The following DCLRE1C variants were observed in gnomAD, a reference collection of about 807,000 sequenced individuals.
DCLRE1C encodes the protein protein artemis.
A neutral mutation model predicts 61.4 loss-of-function variants in DCLRE1C; 47 were observed. The observed-to-expected ratio is 0.77, with a 90% CI of 0.61 to 0.98. The LOEUF (loss-of-function observed/expected upper bound fraction) is 0.98. Ranked by LOEUF, DCLRE1C falls within the 50% of genes least tolerant of loss-of-function variation. The pLI is 0.00. For synonymous variants in DCLRE1C, 337 were observed against 287.6 expected (o/e 1.17, Z -1.74); for missense variants, 858 against 816.0 (o/e 1.05, Z -0.63).
chr10:14,922,368 G>A (rs1054241367), intron 12 of DCLRE1C, among the ~76,000 whole-genome samples: 1 of 151,888 alleles, frequency 6.6e-6, no homozygotes, highest in Non-Finnish European at 1.5e-5. Flanking sequence ...TTGAACCCAG[G>A]AGGTGGAGGT....
chr10:14,926,137 G>A (rs1837936082), intron 11 of DCLRE1C, among the ~76,000 whole-genome samples: 1 of 152,116 alleles, frequency 6.6e-6, no homozygotes, highest in African/African-American at 2.4e-5. Context: ...CCCATCTCGG[G>A]CATGTCCTTA....
chr10:14,922,054 C>T (rs934434221), intron 12 of DCLRE1C, among the ~76,000 whole-genome samples: 6 of 152,244 alleles, frequency 3.9e-5, no homozygotes, highest in Non-Finnish European at 7.3e-5. Flanking sequence ...TTGCACCCGG[C>T]CTCTCCGTGA....
Position 14,919,747 on chromosome 10 carries a change from G to A in DCLRE1C, c.1147C>T (p.Arg383Ter), listed in dbSNP as rs752241422. 5.6e-6 allele frequency: 9 copies of A among 1,613,194 alleles called. No homozygotes were observed. Among genetic ancestry groups the A allele is most frequent in the East Asian group, 4.5e-5 (2 of 44,872 alleles). The part of the protein sequence containing the change: ...GKLKRARTVH[R>*]DSEEEDDYLF... ...GGACCATTTTTCTTACCTGAGTCTCGGTGAACTGTTCTAGCTCTCTTCAGT... is the reference window on the plus strand; with the variant it reads ...GGACCATTTTTCTTACCTGAGTCTCAGTGAACTGTTCTAGCTCTCTTCAGT... The change falls in exon 13 of 14, where the codon CGA becomes TGA. Residue 383 changes from arginine (R) to a stop codon, truncating the protein, a stop_gained. Coordinates refer to ENST00000378278, the MANE Select transcript of DCLRE1C (RefSeq NM_001033855.3). LOFTEE classifies it low-confidence loss of function (END_TRUNC).
intron 9 of DCLRE1C, among the ~76,000 whole-genome samples, chr10:14,930,278 CTTTT>C (rs60565089): frequency 1.2e-5 from 1 of 85,726 alleles, no homozygotes; most frequent in East Asian, 4.1e-4. Flanking sequence ...CACTCAGCAC[CTTTT>C]TTTTTTTTTT....
intron 13 of DCLRE1C, among the ~76,000 whole-genome samples, chr10:14,912,716 G>A (rs1835467583): frequency 6.6e-6 from 1 of 152,192 alleles, no homozygotes; most frequent in African/African-American, 2.4e-5. Flanking sequence ...TTGAGACAGA[G>A]TCTCGCTCTG....
In DCLRE1C at chr10:14,906,681, G is replaced by A. The variant is rs1343529400; in HGVS notation, c.*1727C>T. ...TCATGATAATGCATATCAAGTGTTA[G>A]TTTAACTGATCTGCAAATTGTTTTA... is the stretch of plus-strand genomic sequence containing the variant. On this transcript the variant is annotated 3_prime_UTR_variant, in exon 14 of 14. Transcript: ENST00000378278. 1.3e-5 allele frequency among the ~76,000 whole-genome samples: 2 copies of A among 152,150 alleles called. No individual in the cohort carries two copies. Among genetic ancestry groups the A allele is most frequent in the African/African-American group, 4.8e-5 (2 of 41,432 alleles).
In DCLRE1C at chr10:14,954,075, G is replaced by A. The variant is rs555818065; in HGVS notation, c.-65C>T. 2.5e-6 allele frequency: 4 copies of A among 1,604,734 alleles called. No individual in the cohort carries two copies. The East Asian group carries it at 6.7e-5, about 27-fold the overall frequency. On this transcript the variant is annotated 5_prime_UTR_variant, in exon 1 of 14. Transcript: ENST00000378278. Reference sequence around the variant, plus strand: ...GCTGAAGCCAAGGCCAGCCCTGACCGCGCCGCCACTTCCGGGAAGCCGCGC... The same window carrying A: ...GCTGAAGCCAAGGCCAGCCCTGACCACGCCGCCACTTCCGGGAAGCCGCGC...
rs758968863 is a variant in DCLRE1C, at chr10:14,945,204, GA to G, written c.162-16del. The G allele has an allele frequency of 2.8e-5, 45 of 1,606,578 alleles. No homozygotes were observed. Among genetic ancestry groups the G allele is most frequent in the African/African-American group, 1.3e-5 (1 of 74,560 alleles). On this transcript the variant is annotated splice_polypyrimidine_tract_variant and intron_variant, in intron 2 of 13. Coordinates refer to ENST00000378278, the MANE Select transcript of DCLRE1C (RefSeq NM_001033855.3). ...AAACCTTCAAGCTGAAAGGAAAAAA[GA>G]AAAAAACTTTCAGTACAATCCAAAA...
intron 1 of DCLRE1C, among the ~76,000 whole-genome samples, chr10:14,951,212 C>G (rs41304310): frequency 6.6e-6 from 1 of 151,774 alleles, no homozygotes; most frequent in Non-Finnish European, 1.5e-5. Context: ...AATCCTGTCT[C>G]TCTATAAAAA....
chr10:14,905,704 G>C lies in DCLRE1C; in HGVS notation c.*2704C>G, dbSNP rs7914404. ...TGGCATTTTGAAACTTCATGTTTCG[G>C]CTGGACACGGTAGCTGACGCCTGTA... is the stretch of plus-strand genomic sequence containing the variant. On this transcript the variant is annotated 3_prime_UTR_variant, in exon 14 of 14. Transcript: ENST00000378278. Among the ~76,000 whole-genome samples the C allele has an allele frequency of 9.4e-3, 1,433 of 152,286 alleles. 22 individuals are homozygous for C. Among genetic ancestry groups the C allele is most frequent in the African/African-American group, 0.032 (1,319 of 41,548 alleles).
chr10:14,949,027 A>G lies in DCLRE1C; in HGVS notation c.161+9T>C. ...TTTGCTTAAAAACACAAGTAGCAAA[A>G]TAAATTACCTGCACTCCAACCTTCT... On this transcript the variant is annotated intron_variant, in intron 2 of 13. Coordinates refer to ENST00000378278, the MANE Select transcript of DCLRE1C (RefSeq NM_001033855.3). 1.2e-6 allele frequency: 2 copies of G among 1,602,114 alleles called. No individual in the cohort carries two copies. Among genetic ancestry groups the G allele is most frequent in the Non-Finnish European group, 1.7e-6 (2 of 1,169,560 alleles).
At chr10:14,944,846 T>C (rs1030148954) in intron 3 of DCLRE1C, among the ~76,000 whole-genome samples, 1 of 151,858 alleles carries the variant, frequency 6.6e-6, no homozygotes, top group Non-Finnish European at 1.5e-5. Flanking sequence ...GGCCAAATTT[T>C]GTATTTTTAG....
chr10:14,954,097 G>T, upstream of DCLRE1C: 1 of 1,596,540 alleles, frequency 6.3e-7, no homozygotes, highest in Non-Finnish European at 8.5e-7. Flanking sequence ...CCGGGAAGCC[G>T]CGCGCTGCCT....
intron 4 of DCLRE1C, among the ~76,000 whole-genome samples, chr10:14,937,050 T>C (rs1840047996): frequency 6.6e-6 from 1 of 152,084 alleles, no homozygotes; most frequent in Non-Finnish European, 1.5e-5. Context: ...GGATAAGAAA[T>C]GAACACATGT....
At chr10:14,940,885 C>T (rs1267285029) in intron 3 of DCLRE1C, among the ~76,000 whole-genome samples, 1 of 151,926 alleles carries the variant, frequency 6.6e-6, no homozygotes, top group Non-Finnish European at 1.5e-5. Context: ...TGGGTTTTTC[C>T]CCATTTATTA....
At chr10:14,923,416 AGGTC>A (rs1837457255) in intron 11 of DCLRE1C, 1 of 281,082 alleles carries the variant, frequency 3.6e-6, no homozygotes, top group East Asian at 9.3e-5. Flanking sequence ...TTGTCCAAGA[AGGTC>A]AGTTGCTTAT....
In DCLRE1C at chr10:14,935,575, A is replaced by C. The variant is rs1227478860; in HGVS notation, c.363-11T>G. On this transcript the variant is annotated splice_polypyrimidine_tract_variant and intron_variant, in intron 5 of 13. Transcript: ENST00000378278. ...CCCTGAAATAAAAACCTGAAAAAGA[A>C]ATATATCCCAGTGACTTCTGAGTCT... is the stretch of plus-strand genomic sequence containing the variant. 1 of 1,612,728 alleles carries C rather than the reference A, an allele frequency of 6.2e-7. No individual in the cohort carries two copies. Among genetic ancestry groups the C allele is most frequent in the East Asian group, 2.2e-5 (1 of 44,856 alleles).
chr10:14,931,588 A>T (rs1306161685), intron 9 of DCLRE1C, among the ~76,000 whole-genome samples: 1 of 152,010 alleles, frequency 6.6e-6, no homozygotes, highest in African/African-American at 2.4e-5. Context: ...AAAACAAAAG[A>T]AGACAAATGA....
At position 14,908,800 on chromosome 10, in the gene DCLRE1C, G is replaced by T; in HGVS notation, c.1687C>A (p.Gln563Lys). 1 of 1,614,180 alleles carries T rather than the reference G, an allele frequency of 6.2e-7. No homozygotes were observed. Residue 563 changes from glutamine (Q) to lysine (K), a missense_variant, in exon 14 of 14, where the codon CAA (glutamine) becomes AAA (lysine). Physicochemically the swap from Gln to Lys is moderately conservative, Grantham distance 53. Coordinates refer to ENST00000378278, the MANE Select transcript of DCLRE1C (RefSeq NM_001033855.3). Reference sequence around the variant, plus strand: ...GTAATATCCCCACTGTTTCTCTCTTGGGAAGATAACAAAACAGTATCAGAT... The same window carrying T: ...GTAATATCCCCACTGTTTCTCTCTTTGGAAGATAACAAAACAGTATCAGAT... ...SQSDTVLLSS[Q>K]ERNSGDITSL... is the part of the protein sequence containing the mutation.
Sources: allele counts gnomAD v4.1 joint callset (sites outside exome capture counted in the v4.1 genomes callset), GRCh38; gene constraint gnomAD v4.1.1; transcripts MANE v1.5; gene names NCBI Gene and HGNC (gene_info 2026-07-23, HGNC 2026-07-21).